PKD1L3: variants seen among roughly 807,000 people sequenced by gnomAD.
The protein encoded by PKD1L3 is polycystin 1 like 3, transient receptor potential channel interacting.
PKD1L3 carries 239 observed loss-of-function variants against 184.1 expected under a neutral mutation model. That is an observed-to-expected ratio of 1.30 (90% CI 1.17 to 1.45). The LOEUF is 1.45. Ranked by LOEUF, PKD1L3 falls within the 40% of genes most tolerant of loss-of-function variation. The pLI is 0.00. For missense variants in PKD1L3, 2,660 were observed against 2,067.2 expected, an observed-to-expected ratio of 1.29 and a Z score of -5.56; for synonymous variants, 996 against 778.8, an observed-to-expected ratio of 1.28 and a Z score of -4.64.
intron 12 of PKD1L3, among the ~76,000 whole-genome samples, chr16:71,972,873 T>G (rs952699570): frequency 6.6e-6 from 1 of 152,134 alleles, no homozygotes; most frequent in Admixed American, 6.6e-5. Flanking sequence ...TTTAAAGCAG[T>G]TGGACACCAG....
chr16:71,969,491 T>G (rs1374133960), intron 13 of PKD1L3, among the ~76,000 whole-genome samples: 1 of 149,066 alleles, frequency 6.7e-6, no homozygotes, highest in African/African-American at 2.5e-5. Flanking sequence ...TTTTTTTTTT[T>G]AGTAGAGACA....
At chr16:71,951,471 G>A in intron 19 of PKD1L3, 93 bp downstream of exon 19, 1 of 1,279,064 alleles carries the variant, frequency 7.8e-7, no homozygotes, top group African/African-American at 1.5e-5. Context: ...GTTGTATCAG[G>A]CCTGTCGGTT....
At chr16:71,929,811 G>A (rs897460853) in intron 29 of PKD1L3, 133 bp from the exon 30 acceptor site, 49 of 1,040,574 alleles carry the variant, frequency 4.7e-5, no homozygotes, top group Non-Finnish European at 6.4e-5. Flanking sequence ...TTTGCAGTCA[G>A]GCATTGGAGT....
rs1300903018 is a variant in PKD1L3 at position 71,999,935 on chromosome 16, G to A, written c.44C>T (p.Thr15Ile). 2 of 1,542,582 alleles carry A rather than the reference G, an allele frequency of 1.3e-6. No individual in the cohort carries two copies. Among genetic ancestry groups the A allele is most frequent in the East Asian group, 2.5e-5 (1 of 40,582 alleles). ...GGSWLWLYIR[T>I]SIILGSELNS... is the part of the protein sequence containing the mutation. ...TAGCTCACTTCCTAGAATAATACTT[G>A]TTCTGATGTATAACCAAAGCCAGCT... The change falls in exon 1 of 30, where the codon ACA becomes ATA. Residue 15 changes from threonine (T) to isoleucine (I), a missense_variant. Transcript: ENST00000620267.
In PKD1L3 at chr16:71,977,481, C is replaced by G; in HGVS notation, c.1528-14G>C. On this transcript the variant is annotated splice_polypyrimidine_tract_variant and intron_variant, in intron 10 of 29. Coordinates refer to ENST00000620267, the MANE Select transcript of PKD1L3 (RefSeq NM_181536.2). ...CCAGAGCATGATCTAGAATAAGAGA[C>G]AGTTAATCATTATAATGGTCCATCC... 6.6e-7 allele frequency: 1 copy of G among 1,513,114 alleles called. No individual in the cohort carries two copies. The highest frequency in any genetic ancestry group is 9.0e-7 in the Non-Finnish European group (1 of 1,113,456). The allele number at this position is 1,513,114 out of a possible 1,614,324, so 93.7% of individuals were successfully genotyped here. A position where few individuals can be genotyped will look rare whatever the true frequency, so the allele number is the denominator to read the frequency against.
In PKD1L3 at chr16:71,999,765, C is replaced by G. The variant is rs1216166845; in HGVS notation, c.214G>C (p.Asp72His). Residue 72 changes from aspartate (D) to histidine (H), a missense_variant, in exon 1 of 30, where the codon GAC (aspartate) becomes CAC (histidine). Coordinates refer to ENST00000620267, the MANE Select transcript of PKD1L3 (RefSeq NM_181536.2). ...WNKEVQDLIR[D>H]YLEEGKKWWI... ...CACTTCTTTCCTTCTTCCAGATAGT[C>G]CCGGATGAGATCTTGAACTTCCTTG... 6.4e-7 allele frequency: 1 copy of G among 1,551,692 alleles called. No homozygotes were observed. Among genetic ancestry groups the G allele is most frequent in the Non-Finnish European group, 8.7e-7 (1 of 1,147,018 alleles).
chr16:71,977,310 C>A lies in PKD1L3; in HGVS notation c.1685G>T (p.Gly562Val). 5 of 1,544,826 alleles carry A rather than the reference C, an allele frequency of 3.2e-6. No individual in the cohort carries two copies. Among genetic ancestry groups the A allele is most frequent in the South Asian group, 1.2e-5 (1 of 83,914 alleles). The change falls in exon 11 of 30, where the codon GGG (glycine) becomes GTG (valine). Residue 562 changes from glycine (G) to valine (V), a missense_variant. Coordinates refer to ENST00000620267, the MANE Select transcript of PKD1L3 (RefSeq NM_181536.2). ...AGTGCAGTTAGGCTGATACTGGAACCCCAGGTAGAGTGTCATTAAAAGGGG... is the reference window on the plus strand; with the variant it reads ...AGTGCAGTTAGGCTGATACTGGAACACCAGGTAGAGTGTCATTAAAAGGGG... ...DSPLLMTLYL[G>V]FQYQPNCTHF... is the part of the protein sequence containing the mutation.
intron 2 of PKD1L3, among the ~76,000 whole-genome samples, chr16:71,997,570 G>C (rs963995029): frequency 1.3e-5 from 2 of 152,058 alleles, no homozygotes; most frequent in African/African-American, 4.8e-5. Context: ...CCAACATGGA[G>C]AAACCCCATC....
In PKD1L3 at chr16:71,999,669, AC is replaced by A. The variant is rs2040902952; in HGVS notation, c.295+14del. On this transcript the variant is annotated intron_variant, in intron 1 of 29. Transcript: ENST00000620267. ...AGGAAGTTTCCTTCATAAACACTGAACCCCAGGGTCTTACCTGGGTATTTGT... is the reference window on the plus strand; with the variant it reads ...AGGAAGTTTCCTTCATAAACACTGAACCCAGGGTCTTACCTGGGTATTTGT... 1 of 1,496,580 alleles carries A rather than the reference AC, an allele frequency of 6.7e-7. No individual in the cohort carries two copies. Among genetic ancestry groups the A allele is most frequent in the South Asian group, 1.3e-5 (1 of 74,440 alleles). 92.7% of individuals were successfully genotyped at this position (1,496,580 alleles called of 1,614,324 possible).
At chr16:71,954,428 A>G (rs543747861) in intron 16 of PKD1L3, 127 bp from the exon 17 acceptor site, 2 of 578,078 alleles carry the variant, frequency 3.5e-6, no homozygotes, top group Non-Finnish European at 5.7e-6. Flanking sequence ...ACCTCTGTGA[A>G]TAAGCTTTCA....
chr16:71,945,568 C>A (rs1338186469), intron 22 of PKD1L3, among the ~76,000 whole-genome samples: 1 of 151,574 alleles, frequency 6.6e-6, no homozygotes, highest in Non-Finnish European at 1.5e-5. Flanking sequence ...ATCACAGCTA[C>A]TCGGGAGGCT....
intron 10 of PKD1L3, among the ~76,000 whole-genome samples, chr16:71,977,774 T>G (rs1171484318): frequency 4.6e-5 from 7 of 151,484 alleles, no homozygotes; most frequent in African/African-American, 1.7e-4. Flanking sequence ...CTATAACACT[T>G]CTTATTCTTC....
intron 24 of PKD1L3, 123 bp downstream of exon 24, chr16:71,942,437 A>G: frequency 1.3e-6 from 1 of 795,676 alleles, no homozygotes; most frequent in Non-Finnish European, 2.0e-6. Flanking sequence ...AGTCTCCAAC[A>G]AATTTACCTC....
Position 71,934,137 on chromosome 16 carries a change from A to T in PKD1L3, c.4614-12T>A, listed in dbSNP as rs1481192457. ...AGAAGCTGATGAATCTGCACCAAGG[A>T]AAGCTGACAGTTACTCAGCAAGAAG... On this transcript the variant is annotated splice_polypyrimidine_tract_variant and intron_variant, in intron 26 of 29. Coordinates refer to ENST00000620267, the MANE Select transcript of PKD1L3 (RefSeq NM_181536.2). 1.1e-5 allele frequency: 17 copies of T among 1,551,410 alleles called. No individual in the cohort carries two copies. Among genetic ancestry groups the T allele is most frequent in the Non-Finnish European group, 1.5e-5 (17 of 1,146,824 alleles).
chr16:71,987,435 G>A (rs1311246700), intron 4 of PKD1L3, among the ~76,000 whole-genome samples: 3 of 151,712 alleles, frequency 2.0e-5, no homozygotes, highest in African/African-American at 2.4e-5. Flanking sequence ...GTGCAGTGGC[G>A]CCACCTCAGC....
chr16:71,949,540 A>G (rs1358611588), intron 21 of PKD1L3, among the ~76,000 whole-genome samples: 1 of 152,048 alleles, frequency 6.6e-6, no homozygotes, highest in East Asian at 1.9e-4. Context: ...TTTTGTAGAC[A>G]TGGAGTTTCA....
intron 2 of PKD1L3, among the ~76,000 whole-genome samples, 166 bp from the exon 3 acceptor site, chr16:71,993,498 T>C (rs773857062): frequency 6.6e-6 from 1 of 152,250 alleles, no homozygotes; most frequent in Non-Finnish European, 1.5e-5. Flanking sequence ...CCTTTTGCTC[T>C]GCTCACATTA....
Position 71,935,400 on chromosome 16 carries a change from A to G in PKD1L3, c.4571T>C (p.Leu1524Pro). The G allele has an allele frequency of 6.4e-7, 1 of 1,551,776 alleles. No homozygotes were observed. The change falls in exon 26 of 30, where the codon CTA becomes CCA. Residue 1524 changes from leucine to proline, a missense_variant. Coordinates refer to ENST00000620267, the MANE Select transcript of PKD1L3 (RefSeq NM_181536.2). The stretch of plus-strand genomic sequence containing the variant: ...GTATCGTGCCATGTTTTTCTTATGT[A>G]GAGAAATACTCTTCATGTCAAGCCC... Reference protein sequence around the residue: ...LLGLDMKSISLHKKNMARYRD... With the variant: ...LLGLDMKSISPHKKNMARYRD...
chr16:71,941,581 C>CTTT (rs35509080), intron 24 of PKD1L3, among the ~76,000 whole-genome samples: 25 of 102,208 alleles, frequency 2.4e-4, no homozygotes, highest in African/African-American at 7.0e-4. Context: ...CTATGACATT[C>CTTT]TTTTTTTTTT....
Sources: allele counts gnomAD v4.1 joint callset (sites outside exome capture counted in the v4.1 genomes callset), GRCh38; gene constraint gnomAD v4.1.1; transcripts MANE v1.5; gene names NCBI Gene and HGNC (gene_info 2026-07-23, HGNC 2026-07-21).